WIPF3: variants seen among roughly 807,000 people sequenced by gnomAD.
The protein encoded by WIPF3 is WAS/WASL-interacting protein family member 3.
In WIPF3, 33 loss-of-function variants were observed where a neutral mutation model predicts 38.9. That is an observed-to-expected ratio of 0.85 (90% CI 0.64 to 1.14). The LOEUF (loss-of-function observed/expected upper bound fraction) is 1.14. WIPF3 is among the 50% of genes most tolerant of loss of function. The probability of loss-of-function intolerance (pLI) is 0.00; values close to 1 mark genes in which losing one functional copy is unlikely to be tolerated. For synonymous variants in WIPF3, 324 were observed against 269.3 expected, an observed-to-expected ratio of 1.20 and a Z score of -1.99; for missense variants, 711 against 652.5, an observed-to-expected ratio of 1.09 and a Z score of -0.98.
intron 2 of WIPF3, among the ~76,000 whole-genome samples, chr7:29,857,976 A>G (rs569307711): frequency 6.6e-6 from 1 of 152,326 alleles, no homozygotes; most frequent in East Asian, 1.9e-4. Context: ...GTTACTCAAA[A>G]TGAGCAGACT....
intron 2 of WIPF3, among the ~76,000 whole-genome samples, chr7:29,858,392 A>G (rs740141): frequency 0.35 from 53,886 of 152,022 alleles, 10,953 homozygotes; most frequent in African/African-American, 0.57. Flanking sequence ...ACAGTGTGTA[A>G]GGATATATCT....
intron 1 of WIPF3, among the ~76,000 whole-genome samples, chr7:29,809,728 A>T (rs941700934): frequency 2.6e-5 from 4 of 152,198 alleles, no homozygotes; most frequent in Admixed American, 6.5e-5. Flanking sequence ...CCCGACCATT[A>T]TGCAGCAGGG....
chr7:29,833,178 G>A (rs972709796), intron 1 of WIPF3, among the ~76,000 whole-genome samples: 1 of 152,240 alleles, frequency 6.6e-6, no homozygotes, highest in Non-Finnish European at 1.5e-5. Flanking sequence ...AGACAGTGGG[G>A]AGTTATTGTT....
intron 2 of WIPF3, among the ~76,000 whole-genome samples, chr7:29,871,049 A>G (rs1785487572): frequency 6.6e-6 from 1 of 152,194 alleles, no homozygotes; most frequent in Non-Finnish European, 1.5e-5. Context: ...TTGGGTTTCT[A>G]AAAATGAGAC....
In WIPF3 at chr7:29,845,700, C is replaced by G. The variant is rs547028348; in HGVS notation, c.90+10886C>G. 2.6e-5 allele frequency among the ~76,000 whole-genome samples: 4 copies of G among 152,358 alleles called. No homozygotes were observed. The South Asian group carries it at 8.3e-4, about 32-fold the overall frequency. ...ATAATGTTGTGAGCTCTCTCCTAAA[C>G]AGACCAGAGTCGGATGAGGGATGAG... On this transcript the variant is annotated intron_variant, in intron 2 of 8. Coordinates refer to ENST00000242140, the MANE Select transcript of WIPF3 (RefSeq NM_001080529.3).
chr7:29,868,960 A>G (rs1583610748), intron 2 of WIPF3, among the ~76,000 whole-genome samples: 1 of 152,266 alleles, frequency 6.6e-6, no homozygotes, highest in East Asian at 1.9e-4. Context: ...GCACACACGC[A>G]CACACATGTA....
chr7:29,815,780 G>A lies in WIPF3; in HGVS notation c.-58+9102G>A, dbSNP rs570652491. Among the ~76,000 whole-genome samples the A allele has an allele frequency of 2.6e-5, 4 of 152,310 alleles. No individual in the cohort carries two copies. In the South Asian group the frequency reaches 8.3e-4, roughly 32 times the overall value. On this transcript the variant is annotated intron_variant, in intron 1 of 8. Coordinates refer to ENST00000242140, the MANE Select transcript of WIPF3 (RefSeq NM_001080529.3). The stretch of plus-strand genomic sequence containing the variant: ...GTGTGTTAACCGTGTGATAACAGAA[G>A]AATTAAACTGTAGGGGTTATGACTG...
chr7:29,875,748 A>G, intron 2 of WIPF3, 82 bp from the exon 3 acceptor site: 1 of 1,555,228 alleles, frequency 6.4e-7, no homozygotes, highest in Non-Finnish European at 8.8e-7. Context: ...AGAGAACTGC[A>G]AGAGGAGAAA....
Position 29,843,839 on chromosome 7 carries a change from G to C in WIPF3, c.90+9025G>C, listed in dbSNP as rs149113641. The stretch of plus-strand genomic sequence containing the variant: ...CTCCACCCACGTCAGGTTGTTGCTG[G>C]TGGTTAGAGAACCAGCCCTGCCCAG... On this transcript the variant is annotated intron_variant, in intron 2 of 8. Transcript: ENST00000242140. 1.8e-4 allele frequency among the ~76,000 whole-genome samples: 28 copies of C among 152,150 alleles called. No individual in the cohort carries two copies. The East Asian group carries it at 5.1e-3, about 28-fold the overall frequency.
rs187272089 is a variant in WIPF3 at position 29,904,818 on chromosome 7, T to C, written c.1428+456T>C. The C allele has an allele frequency of 2.4e-3, 380 of 159,212 alleles. 1 individual carries two copies. The highest frequency in any genetic ancestry group is 8.0e-3 in the African/African-American group (333 of 41,630). 9.9% of individuals were successfully genotyped at this position (159,212 alleles called of 1,614,324 possible). A position where few individuals can be genotyped will look rare whatever the true frequency, so the allele number is the denominator to read the frequency against. ...CCAAATTTAGTCACAATTCAAGTAC[T>C]AGTACCCACAAGAAATGAACAGAAC... On this transcript the variant is annotated intron_variant, in intron 8 of 8. Coordinates refer to ENST00000242140, the MANE Select transcript of WIPF3 (RefSeq NM_001080529.3).
At chr7:29,887,408 T>G (rs548066690) in intron 5 of WIPF3, among the ~76,000 whole-genome samples, 1 of 152,346 alleles carries the variant, frequency 6.6e-6, no homozygotes, top group East Asian at 1.9e-4. Flanking sequence ...GATTTTGGGT[T>G]GCCAGATGAA....
rs181020136 is a variant in WIPF3 at position 29,906,555 on chromosome 7, T to C, written c.1428+2193T>C. On this transcript the variant is annotated intron_variant, in intron 8 of 8. Transcript: ENST00000242140. ...GACCTGTGGGAGACCATCTAGCAGA[T>C]TAACACGCTTATTGTGGGAGTTCTA... is the stretch of plus-strand genomic sequence containing the variant. Among the ~76,000 whole-genome samples the C allele has an allele frequency of 5.3e-5, 8 of 152,168 alleles. No homozygotes were observed. In the East Asian group the frequency reaches 1.5e-3, roughly 29 times the overall value.
At chr7:29,875,389 CAG>C (rs953529351) in intron 2 of WIPF3, among the ~76,000 whole-genome samples, 7 of 152,072 alleles carry the variant, frequency 4.6e-5, no homozygotes, top group African/African-American at 1.7e-4. Flanking sequence ...CAGGGGATGA[CAG>C]GGCACAGGAG....
At chr7:29,910,379 G>A (rs1379110886) in intron 8 of WIPF3, among the ~76,000 whole-genome samples, 3 of 152,124 alleles carry the variant, frequency 2.0e-5, no homozygotes, top group African/African-American at 7.2e-5. Flanking sequence ...CCCTCTAAAA[G>A]CTTTCCAAAA....
At position 29,904,314 on chromosome 7, in the gene WIPF3, G is replaced by A. The variant is rs530749338; in HGVS notation, c.1380G>A (p.Ala460=). 16 of 1,613,868 alleles carry A rather than the reference G, an allele frequency of 9.9e-6. No homozygotes were observed. Among genetic ancestry groups the A allele is most frequent in the East Asian group, 4.5e-5 (2 of 44,886 alleles). ...RSRTPGPWLQ[A]EAVGQSSDDI... ...GTACACCTGGTCCCTGGCTCCAAGC[G>A]GAAGCAGTCGGGCAGAGCTCTGATG... The change falls in exon 8 of 9, where the codon GCG becomes GCA. Residue 460 remains alanine (A), a synonymous_variant. Transcript: ENST00000242140.
intron 1 of WIPF3, among the ~76,000 whole-genome samples, chr7:29,807,215 C>A (rs1784297296): frequency 6.6e-6 from 1 of 152,154 alleles, no homozygotes; most frequent in African/African-American, 2.4e-5. Context: ...AGGAAGCCAA[C>A]TCCAGAGATG....
In WIPF3 at chr7:29,891,327, G is replaced by A. The variant is rs528392630; in HGVS notation, c.1351+1920G>A. The stretch of plus-strand genomic sequence containing the variant: ...CACGGGCCTGCCCTGTGCTCTGGTC[G>A]GGGGAAAGTGGGCCTGCCCTGTGCT... On this transcript the variant is annotated intron_variant, in intron 7 of 8. Coordinates refer to ENST00000242140, the MANE Select transcript of WIPF3 (RefSeq NM_001080529.3). Among the ~76,000 whole-genome samples the A allele has an allele frequency of 7.2e-4, 109 of 151,288 alleles. 1 individual carries two copies. Among genetic ancestry groups the A allele is most frequent in the Admixed American group, 2.2e-3 (33 of 15,206 alleles).
At chr7:29,871,123 G>T (rs1435144182) in intron 2 of WIPF3, among the ~76,000 whole-genome samples, 3 of 152,226 alleles carry the variant, frequency 2.0e-5, no homozygotes, top group Non-Finnish European at 2.9e-5. Flanking sequence ...CATATGGGGT[G>T]CAGGGAACAC....
In WIPF3 at chr7:29,884,261, A is replaced by ACCGGGC; in HGVS notation, c.769_770insGGGCCC (p.His256_Leu257insArgAla). 1.4e-6 allele frequency: 2 copies of ACCGGGC among 1,450,828 alleles called. No individual in the cohort carries two copies. The highest frequency in any genetic ancestry group is 1.8e-6 in the Non-Finnish European group (2 of 1,101,954). The allele number at this position is 1,450,828 out of a possible 1,614,324, so 89.9% of individuals were successfully genotyped here. On this transcript the variant is annotated inframe_insertion, in exon 5 of 9. Transcript: ENST00000242140. ...GTGAAGCCTCAGCTGGCTCCCTTGC[A>ACCGGGC]CCTCCCGCCCATCCCGCCCCCGCTC...
Sources: allele counts gnomAD v4.1 joint callset (sites outside exome capture counted in the v4.1 genomes callset), GRCh38; gene constraint gnomAD v4.1.1; transcripts MANE v1.5; gene names NCBI Gene and HGNC (gene_info 2026-07-23, HGNC 2026-07-21).